PDE4B: variants seen among roughly 807,000 people sequenced by gnomAD.
PDE4B encodes phosphodiesterase 4B, also known as 3',5'-cyclic-AMP phosphodiesterase 4B.
PDE4B carries 20 observed loss-of-function variants against 82.2 expected under a neutral mutation model. That is an observed-to-expected ratio of 0.24 (90% CI 0.17 to 0.35). The LOEUF is 0.35. Among genes scored for constraint, PDE4B ranks in the 10% least tolerant of loss-of-function variants. The probability of loss-of-function intolerance (pLI) is 1.00; values close to 1 mark genes in which losing one functional copy is unlikely to be tolerated. For missense variants in PDE4B, 655 were observed against 907.2 expected, an observed-to-expected ratio of 0.72 and a Z score of 3.57; for synonymous variants, 320 against 318.9, an observed-to-expected ratio of 1.00 and a Z score of -0.04.
Position 66,221,930 on chromosome 1 carries a change from G to T in PDE4B, c.282-25530G>T, listed in dbSNP as rs141000650. On this transcript the variant is annotated intron_variant, in intron 3 of 16. Transcript: ENST00000341517. ...TTATCTCCATGTCTGTATTAATTAG[G>T]ATGAGTTTTGGCTGAATATGCTGGA... 1.6e-4 allele frequency among the ~76,000 whole-genome samples: 25 copies of T among 151,956 alleles called. No individual in the cohort carries two copies. In the East Asian group the frequency reaches 3.3e-3, roughly 20 times the overall value.
intron 1 of PDE4B, among the ~76,000 whole-genome samples, chr1:65,848,243 G>C (rs1031808802): frequency 6.6e-6 from 1 of 151,906 alleles, no homozygotes; most frequent in African/African-American, 2.4e-5. Context: ...GGTTCAAGCA[G>C]TTCTCCCGCA....
intron 3 of PDE4B, among the ~76,000 whole-genome samples, chr1:66,200,908 A>T (rs1234260393): frequency 1.3e-5 from 2 of 152,172 alleles, no homozygotes; most frequent in African/African-American, 4.8e-5. Context: ...GAGAGAGGAC[A>T]TCCCTGTCTT....
intron 3 of PDE4B, among the ~76,000 whole-genome samples, chr1:66,033,704 G>T: frequency 8.0e-6 from 1 of 125,552 alleles, no homozygotes. Context: ...GTAGACAGCA[G>T]CACCAAATTG....
chr1:66,090,020 AC>A (rs1379931122), intron 3 of PDE4B, among the ~76,000 whole-genome samples: 1 of 151,994 alleles, frequency 6.6e-6, no homozygotes, highest in Non-Finnish European at 1.5e-5. Flanking sequence ...GACAAACTCA[AC>A]TCTTAGGAAA....
At chr1:65,840,635 T>C (rs72685039) in intron 1 of PDE4B, among the ~76,000 whole-genome samples, 3,173 of 152,306 alleles carry the variant, frequency 0.021, 58 homozygotes, top group Non-Finnish European at 0.031. Context: ...AGCCATCTCT[T>C]ATGTTATTTT....
At chr1:66,211,888 C>T (rs1447273986) in intron 3 of PDE4B, among the ~76,000 whole-genome samples, 2 of 152,190 alleles carry the variant, frequency 1.3e-5, no homozygotes, top group East Asian at 1.9e-4. Flanking sequence ...ATATTCTTAC[C>T]CAGTGTGAAA....
chr1:66,245,466 C>CA (rs35574109), intron 3 of PDE4B, among the ~76,000 whole-genome samples: 2 of 152,142 alleles, frequency 1.3e-5, no homozygotes, highest in African/African-American at 2.4e-5. Context: ...GGGTGGCACA[C>CA]AAAAAAGCCC....
At chr1:66,233,412 T>C (rs958686577) in intron 3 of PDE4B, among the ~76,000 whole-genome samples, 2 of 152,222 alleles carry the variant, frequency 1.3e-5, no homozygotes, top group Admixed American at 1.3e-4. Flanking sequence ...GTTTTTTTTT[T>C]ACTATGCCAA....
intron 1 of PDE4B, among the ~76,000 whole-genome samples, chr1:65,887,489 C>A (rs1646804241): frequency 8.5e-6 from 1 of 118,320 alleles, no homozygotes; most frequent in South Asian, 3.0e-4. Context: ...GCAATCTTGG[C>A]TCACTGCAGC....
At chr1:66,142,882 T>C (rs1646200400) in intron 3 of PDE4B, among the ~76,000 whole-genome samples, 1 of 152,218 alleles carries the variant, frequency 6.6e-6, no homozygotes, top group African/African-American at 2.4e-5. Context: ...TCAGTTCAGC[T>C]ACCAGAAAAG....
At chr1:66,308,345 A>T (rs1658430350) in intron 7 of PDE4B, among the ~76,000 whole-genome samples, 1 of 152,156 alleles carries the variant, frequency 6.6e-6, no homozygotes, top group East Asian at 1.9e-4. Context: ...CCGGAAACTT[A>T]TTATTGAAGT....
intron 7 of PDE4B, among the ~76,000 whole-genome samples, chr1:66,314,564 C>G (rs1421849835): frequency 6.6e-6 from 1 of 152,100 alleles, no homozygotes; most frequent in Admixed American, 6.6e-5. Flanking sequence ...AGGAACCCAC[C>G]ACTATGCCTG....
chr1:66,207,051 A>C (rs1649610413), intron 3 of PDE4B, among the ~76,000 whole-genome samples: 1 of 152,150 alleles, frequency 6.6e-6, no homozygotes, highest in South Asian at 2.1e-4. Flanking sequence ...GAAATACTAC[A>C]TTTCCCCTGT....
intron 1 of PDE4B, among the ~76,000 whole-genome samples, chr1:65,826,146 T>C (rs1646015133): frequency 6.6e-6 from 1 of 152,186 alleles, no homozygotes. Context: ...ATGAAACTTA[T>C]TGGAAAAGCT....
chr1:65,862,727 A>G (rs1646468620), intron 1 of PDE4B, among the ~76,000 whole-genome samples: 1 of 151,844 alleles, frequency 6.6e-6, no homozygotes, highest in South Asian at 2.1e-4. Context: ...TCAATTTCAG[A>G]GCTTGTTATT....
At chr1:66,322,131 G>A (rs1002136534) in intron 7 of PDE4B, among the ~76,000 whole-genome samples, 35 of 152,274 alleles carry the variant, frequency 2.3e-4, no homozygotes, top group African/African-American at 7.9e-4. Context: ...GTAGAAAGCT[G>A]AAACTGGATC....
At chr1:66,352,626 T>C (rs1436928565) in intron 8 of PDE4B, among the ~76,000 whole-genome samples, 5 of 152,220 alleles carry the variant, frequency 3.3e-5, no homozygotes, top group African/African-American at 1.2e-4. Context: ...GACTGTTTGC[T>C]GTTGTGGTTA....
chr1:66,190,915 G>A (rs765793618), intron 3 of PDE4B, among the ~76,000 whole-genome samples: 18 of 152,176 alleles, frequency 1.2e-4, no homozygotes, highest in Admixed American at 2.6e-4. Context: ...GAAATCACCC[G>A]TCTTCTGCGT....
At chr1:66,238,059 T>C (rs1032594703) in intron 3 of PDE4B, among the ~76,000 whole-genome samples, 3 of 152,202 alleles carry the variant, frequency 2.0e-5, no homozygotes, top group East Asian at 1.9e-4. Context: ...TTTTAGTAGA[T>C]GACTTAAACT....
Sources: allele counts gnomAD v4.1 joint callset (sites outside exome capture counted in the v4.1 genomes callset), GRCh38; gene constraint gnomAD v4.1.1; transcripts MANE v1.5; gene names NCBI Gene and HGNC (gene_info 2026-07-23, HGNC 2026-07-21).